The following RGS7 variants were observed in gnomAD, a reference collection of about 807,000 sequenced individuals.
The protein encoded by RGS7 is regulator of G protein signaling 7, also known as regulator of G-protein signaling 7.
Under a neutral mutation model 81.1 loss-of-function variants are expected in RGS7, and 27 were observed. The ratio of observed to expected loss-of-function variants is 0.33; its 90% CI spans 0.25 to 0.46. The LOEUF (loss-of-function observed/expected upper bound fraction) is 0.46, where lower values mean the gene tolerates loss of function less well. Among genes scored for constraint, RGS7 ranks in the 20% least tolerant of loss-of-function variants. The probability of loss-of-function intolerance (pLI) is 1.00; values close to 1 mark genes in which losing one functional copy is unlikely to be tolerated. For synonymous variants in RGS7, 208 were observed against 207.7 expected, an observed-to-expected ratio of 1.00 and a Z score of -0.01; for missense variants, 396 against 607.4, an observed-to-expected ratio of 0.65 and a Z score of 3.66.
In RGS7 at chr1:240,886,558, G is replaced by T. The variant is rs12075876; in HGVS notation, c.386-16439C>A. Among the ~76,000 whole-genome samples, 257 of 152,172 alleles carry T rather than the reference G, an allele frequency of 1.7e-3. 1 individual carries two copies. The highest frequency in any genetic ancestry group is 5.9e-3 in the African/African-American group (245 of 41,508). On this transcript the variant is annotated intron_variant, in intron 6 of 18. Transcript: ENST00000440928. ...TGAATATCTGAACCTGTTTCCACTT[G>T]ATTCCTTCCCATTCCCACTCCTCAC...
At chr1:241,305,800 G>A (rs555987000) in intron 2 of RGS7, 8 of 270,702 alleles carry the variant, frequency 3.0e-5, no homozygotes, top group South Asian at 7.3e-5. Flanking sequence ...TTGCTGAGGC[G>A]CCCGCTTGGC....
chr1:241,150,268 T>C (rs986805345), intron 2 of RGS7, among the ~76,000 whole-genome samples: 3 of 152,260 alleles, frequency 2.0e-5, no homozygotes, highest in African/African-American at 7.2e-5. Context: ...ATTTAACCCA[T>C]TTATAGAGAT....
intron 3 of RGS7, among the ~76,000 whole-genome samples, chr1:240,990,593 T>C (rs2148587947): frequency 6.6e-6 from 1 of 152,354 alleles, no homozygotes; most frequent in African/African-American, 2.4e-5. Flanking sequence ...AACATGTAAT[T>C]GAGTATTGTT....
chr1:240,874,653 T>C (rs1395270843), intron 6 of RGS7, among the ~76,000 whole-genome samples: 1 of 152,216 alleles, frequency 6.6e-6, no homozygotes, highest in East Asian at 1.9e-4. Flanking sequence ...CGTGATGTTT[T>C]AATATAGGTT....
chr1:241,194,978 T>C (rs2072957940), intron 2 of RGS7, among the ~76,000 whole-genome samples: 1 of 152,012 alleles, frequency 6.6e-6, no homozygotes, highest in Admixed American at 6.6e-5. Flanking sequence ...AAACAGAAAA[T>C]AGAACAAGCC....
At chr1:240,960,159 C>T (rs114943614) in intron 4 of RGS7, among the ~76,000 whole-genome samples, 1,805 of 144,622 alleles carry the variant, frequency 0.012, 26 homozygotes, top group African/African-American at 0.042. Context: ...TCCCCCAACA[C>T]CAAAAAAAAA....
chr1:241,261,988 A>ATGTTTGTTTG (rs1315680488), intron 2 of RGS7, among the ~76,000 whole-genome samples: 1 of 151,604 alleles, frequency 6.6e-6, no homozygotes, highest in Non-Finnish European at 1.5e-5. Context: ...TTGTTTGTTC[A>ATGTTTGTTTG]TTTTTTAAGA....
chr1:240,920,521 ATGGAGGCCAATACTT>A (rs1673340233), intron 6 of RGS7: 2 of 844,184 alleles, frequency 2.4e-6, no homozygotes, highest in South Asian at 2.6e-5. Flanking sequence ...CTCTATGGTG[ATGGAGGCCAATACTT>A]TGTCAAACCA....
intron 6 of RGS7, among the ~76,000 whole-genome samples, chr1:240,875,874 A>C (rs1367082630): frequency 6.6e-6 from 1 of 152,090 alleles, no homozygotes; most frequent in Non-Finnish European, 1.5e-5. Flanking sequence ...CTCATTATTT[A>C]ATTGGCTTAT....
chr1:240,925,263 C>G (rs1674247855), intron 6 of RGS7, among the ~76,000 whole-genome samples: 1 of 152,006 alleles, frequency 6.6e-6, no homozygotes, highest in South Asian at 2.1e-4. Flanking sequence ...CTTTTTCAGC[C>G]CTTGCACCCC....
intron 10 of RGS7, among the ~76,000 whole-genome samples, chr1:240,820,318 T>C (rs899709277): frequency 6.6e-6 from 1 of 152,208 alleles, no homozygotes; most frequent in South Asian, 2.1e-4. Context: ...CCTTTATTCC[T>C]ATGGTGCTAA....
chr1:241,254,021 A>G (rs1416169551), intron 2 of RGS7, among the ~76,000 whole-genome samples: 1 of 152,088 alleles, frequency 6.6e-6, no homozygotes, highest in Non-Finnish European at 1.5e-5. Context: ...TAACACGATG[A>G]AACACCATCT....
At chr1:240,804,596 G>A (rs891880555) in intron 15 of RGS7, among the ~76,000 whole-genome samples, 1 of 151,908 alleles carries the variant, frequency 6.6e-6, no homozygotes, top group South Asian at 2.1e-4. Flanking sequence ...AAATGACACC[G>A]ATAACTAAAA....
chr1:240,955,689 A>T (rs11805278), intron 4 of RGS7, among the ~76,000 whole-genome samples: 132,238 of 152,068 alleles, frequency 0.87, 57,679 homozygotes, highest in Admixed American at 0.93. Context: ...TAAAACAGAA[A>T]AGAGAGTCCA....
At chr1:240,784,953 G>A (rs1474086785) in intron 18 of RGS7, among the ~76,000 whole-genome samples, 2 of 152,106 alleles carry the variant, frequency 1.3e-5, no homozygotes, top group Non-Finnish European at 2.9e-5. Context: ...AAAATGAGAT[G>A]CTATTGGACC....
In RGS7 at chr1:241,071,884, A is replaced by AAAAAAAAAAC. The variant is rs796869268; in HGVS notation, c.175+26781_175+26782insGTTTTTTTTT. On this transcript the variant is annotated intron_variant, in intron 3 of 18. Transcript: ENST00000440928. Reference sequence around the variant, plus strand: ...AGAGTGAGACCCTGTCAAAAAAAAAAAAAAAAAAAAACAAGAAAGAAAGAA... The same window carrying AAAAAAAAAAC: ...AGAGTGAGACCCTGTCAAAAAAAAAAAAAAAAAAACAAAAAAAAAAACAAGAAAGAAAGAA... Among the ~76,000 whole-genome samples, 124 of 147,818 alleles carry AAAAAAAAAAC rather than the reference A, an allele frequency of 8.4e-4. 9 individuals carry two copies. In the South Asian group the frequency reaches 0.027, roughly 32 times the overall value.
intron 5 of RGS7, among the ~76,000 whole-genome samples, chr1:240,934,850 G>A (rs995318130): frequency 8.7e-6 from 1 of 115,584 alleles, no homozygotes; most frequent in Non-Finnish European, 1.8e-5. Flanking sequence ...TCTCCTGTGT[G>A]TATGGTGATC....
At position 241,277,101 on chromosome 1, in the gene RGS7, G is replaced by A. The variant is rs536270775; in HGVS notation, c.78+78598C>T. On this transcript the variant is annotated intron_variant, in intron 2 of 18. Transcript: ENST00000440928. Reference sequence around the variant, plus strand: ...TACATTCCAGATCACTCCTGTTAGCGTTGCTACATTTTTAAAATAGCTATG... The same window carrying A: ...TACATTCCAGATCACTCCTGTTAGCATTGCTACATTTTTAAAATAGCTATG... Among the ~76,000 whole-genome samples the A allele has an allele frequency of 2.7e-4, 41 of 152,132 alleles. No homozygotes were observed. In the South Asian group the frequency reaches 7.3e-3, roughly 27 times the overall value.
At chr1:241,183,046 T>G (rs2071776261) in intron 2 of RGS7, among the ~76,000 whole-genome samples, 1 of 152,038 alleles carries the variant, frequency 6.6e-6, no homozygotes, top group Non-Finnish European at 1.5e-5. Flanking sequence ...GGTCCTGCTG[T>G]GTGCTTGCTA....
Sources: allele counts gnomAD v4.1 joint callset (sites outside exome capture counted in the v4.1 genomes callset), GRCh38; gene constraint gnomAD v4.1.1; transcripts MANE v1.5; gene names NCBI Gene and HGNC (gene_info 2026-07-23, HGNC 2026-07-21).